The following ME3 variants were observed in gnomAD, a reference collection of about 807,000 sequenced individuals.
The protein encoded by ME3 is NADP-dependent malic enzyme, mitochondrial.
Under a neutral mutation model 68.9 loss-of-function variants are expected in ME3, and 48 were observed. The ratio of observed to expected loss-of-function variants is 0.70; its 90% confidence interval spans 0.55 to 0.89. The LOEUF is 0.89. ME3 is among the 40% of genes least tolerant of loss of function. The pLI is 0.00. For missense variants in ME3, 675 were observed against 797.4 expected, an observed-to-expected ratio of 0.85 and a Z score of 1.85; for synonymous variants, 320 against 318.8, an observed-to-expected ratio of 1.00 and a Z score of -0.04.
chr11:86,637,601 G>C (rs944939937), intron 2 of ME3, among the ~76,000 whole-genome samples: 9 of 152,174 alleles, frequency 5.9e-5, no homozygotes, highest in South Asian at 2.1e-4. Context: ...GCACAGACTA[G>C]GGAGTAGGGA....
intron 2 of ME3, among the ~76,000 whole-genome samples, chr11:86,664,452 T>G (rs1432714870): frequency 6.6e-6 from 1 of 152,194 alleles, no homozygotes; most frequent in Non-Finnish European, 1.5e-5. Flanking sequence ...TGGAGGATGA[T>G]TCAATTATTT....
chr11:86,447,855 CAAAAAAAA>C (rs35352939), intron 11 of ME3, among the ~76,000 whole-genome samples: 12 of 120,764 alleles, frequency 9.9e-5, no homozygotes, highest in East Asian at 2.3e-4. Context: ...TAAACTCTGT[CAAAAAAAA>C]AAAAAAAAAA....
intron 2 of ME3, among the ~76,000 whole-genome samples, chr11:86,626,900 T>A (rs1050012880): frequency 2.0e-5 from 3 of 152,216 alleles, no homozygotes; most frequent in Non-Finnish European, 4.4e-5. Flanking sequence ...TTCAAATAAA[T>A]GGTGTGGTTT....
At chr11:86,626,715 C>G (rs1471505838) in intron 2 of ME3, among the ~76,000 whole-genome samples, 3 of 152,168 alleles carry the variant, frequency 2.0e-5, no homozygotes, top group Non-Finnish European at 4.4e-5. Context: ...TTCTAACAAG[C>G]TTTATAAAGG....
chr11:86,603,362 T>C (rs1438158413), intron 2 of ME3, among the ~76,000 whole-genome samples: 2 of 152,190 alleles, frequency 1.3e-5, no homozygotes, highest in African/African-American at 4.8e-5. Flanking sequence ...TCATCATCAC[T>C]AGCCATCAGA....
intron 2 of ME3, among the ~76,000 whole-genome samples, chr11:86,650,144 A>C (rs901039270): frequency 1.3e-4 from 20 of 152,194 alleles, no homozygotes; most frequent in African/African-American, 4.6e-4. Flanking sequence ...AGACCTCAGA[A>C]ATAATACCAC....
chr11:86,563,735 C>T (rs1180996982), intron 2 of ME3, among the ~76,000 whole-genome samples: 1 of 152,078 alleles, frequency 6.6e-6, no homozygotes, highest in Non-Finnish European at 1.5e-5. Context: ...TCTTTGTCAA[C>T]CTTGTTGATG....
intron 2 of ME3, among the ~76,000 whole-genome samples, chr11:86,638,658 C>G (rs1479234754): frequency 6.6e-6 from 1 of 152,178 alleles, no homozygotes; most frequent in African/African-American, 2.4e-5. Flanking sequence ...TACAATGTGT[C>G]AGATATTGTG....
chr11:86,598,105 T>G (rs1018069169), intron 2 of ME3, among the ~76,000 whole-genome samples: 1 of 152,128 alleles, frequency 6.6e-6, no homozygotes, highest in African/African-American at 2.4e-5. Context: ...CGCAGGACAG[T>G]GGGTGCAGTG....
chr11:86,526,226 G>T (rs996130740), intron 4 of ME3, among the ~76,000 whole-genome samples: 2 of 152,214 alleles, frequency 1.3e-5, no homozygotes, highest in African/African-American at 4.8e-5. Flanking sequence ...ATTATATCCC[G>T]TGCATGGCTC....
chr11:86,467,821 A>G (rs1950570571), intron 7 of ME3, among the ~76,000 whole-genome samples: 1 of 152,146 alleles, frequency 6.6e-6, no homozygotes, highest in Non-Finnish European at 1.5e-5. Context: ...ATTCAGTTTT[A>G]TATAAGAAAC....
At chr11:86,510,664 C>T in intron 4 of ME3, among the ~76,000 whole-genome samples, 1 of 152,168 alleles carries the variant, frequency 6.6e-6, no homozygotes, top group East Asian at 1.9e-4. Context: ...CCTCTACTTT[C>T]CAGATACCAA....
At chr11:86,644,298 T>C (rs1565260601) in intron 2 of ME3, among the ~76,000 whole-genome samples, 1 of 152,162 alleles carries the variant, frequency 6.6e-6, no homozygotes, top group African/African-American at 2.4e-5. Context: ...CTTCCACTCT[T>C]GCCCTCTTCC....
At chr11:86,656,186 T>G (rs972845802) in intron 2 of ME3, among the ~76,000 whole-genome samples, 6 of 151,532 alleles carry the variant, frequency 4.0e-5, no homozygotes, top group African/African-American at 1.5e-4. Flanking sequence ...TGGAAGTCAG[T>G]GTGGCGATTC....
At chr11:86,648,827 A>T (rs1045981170) in intron 2 of ME3, among the ~76,000 whole-genome samples, 13 of 152,142 alleles carry the variant, frequency 8.5e-5, no homozygotes, top group Non-Finnish European at 1.6e-4. Flanking sequence ...GGCAGTAATT[A>T]ATAGCCTACC....
At chr11:86,575,205 C>T (rs1958033605) in intron 2 of ME3, among the ~76,000 whole-genome samples, 1 of 147,396 alleles carries the variant, frequency 6.8e-6, no homozygotes, top group African/African-American at 2.6e-5. Flanking sequence ...GGAGACAAAA[C>T]CCTTTGGAAA....
intron 5 of ME3, among the ~76,000 whole-genome samples, chr11:86,501,241 A>T (rs1952704371): frequency 6.6e-6 from 1 of 151,376 alleles, no homozygotes; most frequent in Admixed American, 6.6e-5. Context: ...AATATGTCTC[A>T]TTTTAACCTG....
At chr11:86,464,700 C>T (rs1002357919) in intron 8 of ME3, among the ~76,000 whole-genome samples, 3 of 152,166 alleles carry the variant, frequency 2.0e-5, no homozygotes, top group African/African-American at 7.2e-5. Flanking sequence ...TAGCATTAGC[C>T]TTGTAAATTT....
chr11:86,624,709 A>T (rs1207809174), intron 2 of ME3, among the ~76,000 whole-genome samples: 1 of 152,206 alleles, frequency 6.6e-6, no homozygotes, highest in Non-Finnish European at 1.5e-5. Flanking sequence ...TGTTTGTTAA[A>T]CATACCATTC....
Sources: gnomAD v4.1 joint callset for allele counts (sites outside exome capture counted in the v4.1 genomes callset) on GRCh38, gnomAD v4.1.1 for gene constraint, MANE v1.5 for transcripts, NCBI Gene and HGNC (gene_info 2026-07-23, HGNC 2026-07-21) for gene names.